Variants in OSBPL8 observed in about 807,000 individuals in gnomAD.
OSBPL8 encodes oxysterol-binding protein-related protein 8.
OSBPL8 carries 59 observed loss-of-function variants against 125.5 expected under a neutral mutation model. That is an observed-to-expected ratio of 0.47 (90% CI 0.38 to 0.58). OSBPL8 has a LOEUF of 0.58. OSBPL8 is among the 20% of genes least tolerant of loss of function. The probability of loss-of-function intolerance (pLI) is 0.00; values close to 1 mark genes in which losing one functional copy is unlikely to be tolerated. For missense variants in OSBPL8, 758 were observed against 1,047.8 expected (o/e 0.72, Z 3.82); for synonymous variants, 330 against 338.9 (o/e 0.97, Z 0.29).
chr12:76,389,911 T>C (rs1953487158), intron 11 of OSBPL8, 82 bp from the exon 12 acceptor site: 4 of 1,121,218 alleles, frequency 3.6e-6, no homozygotes, highest in East Asian at 2.7e-5. Flanking sequence ...GTTGAAAATA[T>C]GAACTCTTCT....
chr12:76,368,270 T>C (rs957466409), intron 21 of OSBPL8, among the ~76,000 whole-genome samples: 2 of 152,194 alleles, frequency 1.3e-5, no homozygotes, highest in African/African-American at 2.4e-5. Flanking sequence ...CTATAAGATA[T>C]CGGTTGTTAA....
intron 4 of OSBPL8, among the ~76,000 whole-genome samples, chr12:76,410,925 TG>T (rs1954488486): frequency 6.6e-6 from 1 of 152,222 alleles, no homozygotes; most frequent in Admixed American, 6.5e-5. Flanking sequence ...TCTAGTGAGC[TG>T]GTTTCCAGCA....
At chr12:76,515,414 T>C (rs751132987) in intron 1 of OSBPL8, among the ~76,000 whole-genome samples, 12 of 152,000 alleles carry the variant, frequency 7.9e-5, no homozygotes, top group Non-Finnish European at 1.6e-4. Context: ...TTCAGAGGGG[T>C]ATGTTAGAGA....
chr12:76,397,382 A>C (rs991204366), intron 8 of OSBPL8, among the ~76,000 whole-genome samples: 4 of 151,176 alleles, frequency 2.6e-5, no homozygotes, highest in South Asian at 2.1e-4. Flanking sequence ...GAAAAAAAAA[A>C]CCAACAACAA....
At chr12:76,515,006 G>C (rs985511875) in intron 1 of OSBPL8, among the ~76,000 whole-genome samples, 4 of 152,108 alleles carry the variant, frequency 2.6e-5, no homozygotes, top group Non-Finnish European at 5.9e-5. Context: ...GATTAATTAG[G>C]TTCTTTTTTA....
rs768832481 is a variant in OSBPL8 at position 76,487,485 on chromosome 12, C to T, written c.42+25G>A. ...CACTTCACAGTTACAGATGATAGAA[C>T]CTATGTCATATATGAACTACTCACC... On this transcript the variant is annotated intron_variant, in intron 2 of 23. Transcript: ENST00000261183. The T allele has an allele frequency of 1.5e-5, 24 of 1,576,790 alleles. No homozygotes were observed. The African/African-American group carries it at 2.8e-4, about 18-fold the overall frequency.
intron 1 of OSBPL8, among the ~76,000 whole-genome samples, chr12:76,523,543 AG>A (rs1950080263): frequency 6.6e-6 from 1 of 152,182 alleles, no homozygotes; most frequent in Non-Finnish European, 1.5e-5. Context: ...TGACATGTGG[AG>A]ATAGGGCCTT....
intron 1 of OSBPL8, among the ~76,000 whole-genome samples, chr12:76,545,456 C>A (rs1950757761): frequency 6.6e-6 from 1 of 151,980 alleles, no homozygotes; most frequent in Admixed American, 6.6e-5. Context: ...AAAAATCATC[C>A]CCATACTTAA....
intron 5 of OSBPL8, 113 bp downstream of exon 5, chr12:76,410,451 G>C (rs990780667): frequency 9.5e-6 from 7 of 737,762 alleles, no homozygotes; most frequent in Non-Finnish European, 1.6e-5. Flanking sequence ...ACATGGTTCA[G>C]ATGTATCAAC....
intron 2 of OSBPL8, among the ~76,000 whole-genome samples, chr12:76,481,539 A>T (rs1722927930): frequency 6.6e-6 from 1 of 152,148 alleles, no homozygotes; most frequent in South Asian, 2.1e-4. Context: ...CTGAGGTGGG[A>T]GGATCACTTA....
intron 1 of OSBPL8, among the ~76,000 whole-genome samples, chr12:76,511,507 T>G (rs1483483772): frequency 2.0e-5 from 3 of 152,228 alleles, no homozygotes; most frequent in Non-Finnish European, 4.4e-5. Flanking sequence ...CATATGCTTG[T>G]GGGCCACAGG....
chr12:76,504,600 C>G (rs1415004197), intron 1 of OSBPL8, among the ~76,000 whole-genome samples: 1 of 152,248 alleles, frequency 6.6e-6, no homozygotes, highest in African/African-American at 2.4e-5. Flanking sequence ...ACCTAACCAA[C>G]TCCATCTTGC....
intron 21 of OSBPL8, among the ~76,000 whole-genome samples, chr12:76,359,344 T>A (rs1952108703): frequency 6.6e-6 from 1 of 152,148 alleles, no homozygotes; most frequent in African/African-American, 2.4e-5. Flanking sequence ...TTATAATAAA[T>A]AAAAATGATA....
intron 15 of OSBPL8, among the ~76,000 whole-genome samples, chr12:76,383,936 C>CTTAGATACA (rs1358919760): frequency 2.6e-5 from 4 of 152,182 alleles, no homozygotes; most frequent in African/African-American, 7.2e-5. Flanking sequence ...AGACTAATCC[C>CTTAGATACA]TTAGATACAC....
chr12:76,453,903 T>C (rs1318733764), intron 3 of OSBPL8, among the ~76,000 whole-genome samples: 1 of 152,128 alleles, frequency 6.6e-6, no homozygotes, highest in Admixed American at 6.5e-5. Context: ...TGAACAGTGA[T>C]TCACAAAAGA....
chr12:76,482,640 CT>C (rs898521545), intron 2 of OSBPL8, among the ~76,000 whole-genome samples: 21 of 152,018 alleles, frequency 1.4e-4, no homozygotes, highest in African/African-American at 5.1e-4. Flanking sequence ...GATAGAGTGA[CT>C]ATCCTTAAGT....
chr12:76,371,478 A>G lies in OSBPL8; in HGVS notation c.2024T>C (p.Phe675Ser), dbSNP rs1353573518. 1.6e-5 allele frequency: 25 copies of G among 1,607,702 alleles called. No individual in the cohort carries two copies. Among genetic ancestry groups the G allele is most frequent in the Non-Finnish European group, 2.1e-5 (25 of 1,176,830 alleles). ...QWRLIRHTVKFEEQGDFESEK... is the reference protein window; with the variant it reads ...QWRLIRHTVKSEEQGDFESEK... Reference sequence around the variant, plus strand: ...TGATTCAAAATCTCCCTGTTCTTCAAATTTTACAGTGTGCCTTATTAATCT... The same window carrying G: ...TGATTCAAAATCTCCCTGTTCTTCAGATTTTACAGTGTGCCTTATTAATCT... Residue 675 changes from phenylalanine to serine, a missense_variant, in exon 19 of 24, where the codon TTT becomes TCT. Phe to Ser is a radical substitution (Grantham distance 155, BLOSUM62 -2). Coordinates refer to ENST00000261183, the MANE Select transcript of OSBPL8 (RefSeq NM_020841.5).
chr12:76,417,978 C>T lies in OSBPL8; in HGVS notation c.218-7344G>A, dbSNP rs867513631. 6.0e-5 allele frequency among the ~76,000 whole-genome samples: 9 copies of T among 149,690 alleles called. No individual in the cohort carries two copies. In the South Asian group the frequency reaches 6.4e-4, roughly 11 times the overall value. On this transcript the variant is annotated intron_variant, in intron 4 of 23. Transcript: ENST00000261183. ...TAATTAGAGACCTGGAATGAAAACC[C>T]TCTCTCCAGAAAATTATATGATTTT...
At chr12:76,393,939 A>G (rs1173314414) in intron 9 of OSBPL8, among the ~76,000 whole-genome samples, 1 of 151,596 alleles carries the variant, frequency 6.6e-6, no homozygotes, top group African/African-American at 2.4e-5. Flanking sequence ...AGAATCACTT[A>G]TACCAGGGAG....
Sources: allele counts gnomAD v4.1 joint callset (sites outside exome capture counted in the v4.1 genomes callset), GRCh38; gene constraint gnomAD v4.1.1; transcripts MANE v1.5; gene names NCBI Gene and HGNC (gene_info 2026-07-23, HGNC 2026-07-21).